The following RAPGEF6 variants were observed in gnomAD, a reference collection of about 807,000 sequenced individuals.
The protein encoded by RAPGEF6 is Rap guanine nucleotide exchange factor 6.
A neutral mutation model predicts 171.4 loss-of-function variants in RAPGEF6; 56 were observed. The ratio of observed to expected loss-of-function variants is 0.33; its 90% CI spans 0.26 to 0.41. The LOEUF is 0.41. RAPGEF6 is among the 10% of genes least tolerant of loss of function. The pLI, the probability that RAPGEF6 is intolerant of heterozygous loss-of-function variation, is 1.00. For synonymous variants in RAPGEF6, 692 were observed against 650.1 expected (o/e 1.06, Z -0.98); for missense variants, 1,674 against 1,921.4 (o/e 0.87, Z 2.41).
At chr5:131,529,901 C>CTTTT (rs1162181624) in intron 6 of RAPGEF6, among the ~76,000 whole-genome samples, 12 of 119,804 alleles carry the variant, frequency 1.0e-4, no homozygotes, top group East Asian at 2.4e-4. Context: ...TTGTCTCCCT[C>CTTTT]TTTTTTTTTT....
intron 15 of RAPGEF6, among the ~76,000 whole-genome samples, chr5:131,486,946 C>T (rs990418951): frequency 8.5e-5 from 13 of 152,110 alleles, no homozygotes; most frequent in African/African-American, 2.4e-4. Flanking sequence ...TCTCAATGAT[C>T]CTGATTCTCC....
At chr5:131,589,032 T>C (rs1473365259) in intron 4 of RAPGEF6, among the ~76,000 whole-genome samples, 4 of 151,760 alleles carry the variant, frequency 2.6e-5, no homozygotes, top group Admixed American at 6.6e-5. Flanking sequence ...ATCACATCAC[T>C]GCATTCCAAC....
At chr5:131,628,543 G>C (rs1176323728) in intron 1 of RAPGEF6, among the ~76,000 whole-genome samples, 1 of 152,162 alleles carries the variant, frequency 6.6e-6, no homozygotes, top group African/African-American at 2.4e-5. Context: ...TGAAGATCTA[G>C]CTAAGATAAT....
intron 2 of RAPGEF6, 53 bp downstream of exon 2, chr5:131,604,566 GAATA>G: frequency 6.4e-7 from 1 of 1,569,560 alleles, no homozygotes; most frequent in Middle Eastern, 1.7e-4. Flanking sequence ...AATATTTGGT[GAATA>G]AATGAATGAA....
In RAPGEF6 at chr5:131,430,911, G is replaced by A. The variant is rs141298711; in HGVS notation, c.4413C>T (p.Ala1471=). 8.7e-6 allele frequency: 14 copies of A among 1,612,704 alleles called. No individual in the cohort carries two copies. The highest frequency in any genetic ancestry group is 9.3e-6 in the Non-Finnish European group (11 of 1,179,552). Residue 1471 remains alanine (A), a synonymous_variant, in exon 26 of 28, where the codon GCC becomes GCT. Coordinates refer to ENST00000509018, the MANE Select transcript of RAPGEF6 (RefSeq NM_016340.6). ...ESSEGLDPKD[A]TDPVYKTVTS... ...TGACAGTTTTATAAACTGGGTCAGT[G>A]GCATCCTTGGGGTCCAAGCCTTCAG...
At chr5:131,591,041 T>C (rs568277258) in intron 4 of RAPGEF6, among the ~76,000 whole-genome samples, 3 of 152,236 alleles carry the variant, frequency 2.0e-5, no homozygotes, top group Non-Finnish European at 4.4e-5. Flanking sequence ...CTATATGTGT[T>C]ATTCAACTGG....
Position 131,430,049 on chromosome 5 carries a change from CA to C in RAPGEF6, c.4465+809del, listed in dbSNP as rs200813208. ...TGGGCAATACAGCAAGAGTCCATCT[CA>C]AAAAAAAAAAAAAAAGTTGGAAAAA... On this transcript the variant is annotated intron_variant, in intron 26 of 27. Transcript: ENST00000509018. Among the ~76,000 whole-genome samples, 731 of 86,292 alleles carry C rather than the reference CA, an allele frequency of 8.5e-3. 2 individuals are homozygous for C. Among genetic ancestry groups the C allele is most frequent in the African/African-American group, 0.017 (473 of 27,888 alleles). 56.6% of individuals were successfully genotyped at this position (86,292 alleles called of 152,430 possible).
At chr5:131,442,249 C>T in intron 23 of RAPGEF6, 100 bp downstream of exon 23, 1 of 1,198,740 alleles carries the variant, frequency 8.3e-7, no homozygotes, top group South Asian at 1.7e-5. Flanking sequence ...TATTACACAA[C>T]CTACAACAGC....
chr5:131,552,565 A>G lies in RAPGEF6; in HGVS notation c.352-4375T>C, dbSNP rs112908323. ...AACCTTCACCTCCCAGGTTCAAGTGATTCTCCTGCCTCAGCCTCCCAAGTA... is the reference window on the plus strand; with the variant it reads ...AACCTTCACCTCCCAGGTTCAAGTGGTTCTCCTGCCTCAGCCTCCCAAGTA... On this transcript the variant is annotated intron_variant, in intron 5 of 27. Coordinates refer to ENST00000509018, the MANE Select transcript of RAPGEF6 (RefSeq NM_016340.6). Among the ~76,000 whole-genome samples the G allele has an allele frequency of 1.8e-3, 268 of 151,382 alleles. 1 individual carries two copies. Among genetic ancestry groups the G allele is most frequent in the African/African-American group, 5.8e-3 (240 of 41,186 alleles).
chr5:131,548,286 T>C lies in RAPGEF6; in HGVS notation c.352-96A>G, dbSNP rs1760683474. The C allele has an allele frequency of 4.7e-6, 6 of 1,263,518 alleles. No individual in the cohort carries two copies. In the East Asian group the frequency reaches 1.4e-4, roughly 30 times the overall value. The allele number at this position is 1,263,518 out of a possible 1,614,324, so 78.3% of individuals were successfully genotyped here. ...AACAGACTCATAAGGAAGCTTCATTTACTTCTTACAAGAAACTGCCTCAAG... is the reference window on the plus strand; with the variant it reads ...AACAGACTCATAAGGAAGCTTCATTCACTTCTTACAAGAAACTGCCTCAAG... On this transcript the variant is annotated intron_variant, in intron 5 of 27. Coordinates refer to ENST00000509018, the MANE Select transcript of RAPGEF6 (RefSeq NM_016340.6).
chr5:131,513,886 G>A (rs1277173430), intron 7 of RAPGEF6, among the ~76,000 whole-genome samples: 1 of 152,062 alleles, frequency 6.6e-6, no homozygotes, highest in African/African-American at 2.4e-5. Flanking sequence ...GCATTAGCCG[G>A]GTGTGGTGGC....
Position 131,427,174 on chromosome 5 carries a change from G to C in RAPGEF6, c.*92C>G. On this transcript the variant is annotated 3_prime_UTR_variant, in exon 28 of 28. Coordinates refer to ENST00000509018, the MANE Select transcript of RAPGEF6 (RefSeq NM_016340.6). ...ACCTCTGGACTGGTTGTAGCAATGAGCTGTTCGTTAGCAATGGCCTGCAGA... is the reference window on the plus strand; with the variant it reads ...ACCTCTGGACTGGTTGTAGCAATGACCTGTTCGTTAGCAATGGCCTGCAGA... 1.7e-6 allele frequency: 2 copies of C among 1,178,926 alleles called. No homozygotes were observed. The highest frequency in any genetic ancestry group is 2.5e-6 in the Non-Finnish European group (2 of 784,404). The allele number at this position is 1,178,926 out of a possible 1,614,324, so 73.0% of individuals were successfully genotyped here.
chr5:131,540,121 T>G (rs1760037312), intron 6 of RAPGEF6, among the ~76,000 whole-genome samples: 1 of 152,212 alleles, frequency 6.6e-6, no homozygotes, highest in Non-Finnish European at 1.5e-5. Flanking sequence ...ACTAGCACCT[T>G]ATTTTGTCCC....
rs1382875075 is a variant in RAPGEF6, at chr5:131,603,271, C to T, written c.197G>A (p.Cys66Tyr). ...TTATGTGAATTATGGAAATACTTAC[C>T]AAAAGAGAACCTGATTGCCACTGTA... ...ERYSGNQVLF[C>Y]SETIARCWYI... Residue 66 changes from cysteine (C) to tyrosine (Y), a missense_variant and splice_region_variant, in exon 3 of 28, where the codon TGT becomes TAT. This residue lies in a region of RAPGEF6 where 1,116 missense variants were observed against 1,321.5 expected (regional missense o/e 0.84). Transcript: ENST00000509018. The T allele has an allele frequency of 3.8e-6, 6 of 1,580,090 alleles. No individual in the cohort carries two copies. The highest frequency in any genetic ancestry group is 1.8e-5 in the Admixed American group (1 of 55,566).
At chr5:131,435,952 CAG>C (rs759058102) in intron 24 of RAPGEF6, 7 of 1,524,018 alleles carry the variant, frequency 4.6e-6, no homozygotes, top group Non-Finnish European at 6.2e-6. Context: ...GGAACTTCAT[CAG>C]AGTGTCTTCC....
intron 3 of RAPGEF6, 141 bp from the exon 4 acceptor site, chr5:131,592,607 C>A: frequency 7.1e-7 from 1 of 1,410,312 alleles, no homozygotes; most frequent in Non-Finnish European, 9.4e-7. Flanking sequence ...GAATATTTTG[C>A]CTGTTGCCTA....
chr5:131,605,457 C>T (rs1016956811), intron 1 of RAPGEF6, among the ~76,000 whole-genome samples: 5 of 152,046 alleles, frequency 3.3e-5, no homozygotes, highest in African/African-American at 9.7e-5. Context: ...CTAACCTGCA[C>T]GTTGTGCATA....
chr5:131,551,336 A>AC (rs762159623), intron 5 of RAPGEF6, among the ~76,000 whole-genome samples: 4 of 151,860 alleles, frequency 2.6e-5, no homozygotes, highest in Non-Finnish European at 5.9e-5. Context: ...AGATGGCGAA[A>AC]CCCCATCTCT....
At chr5:131,501,493 TG>T (rs906731090) in intron 11 of RAPGEF6, among the ~76,000 whole-genome samples, 9 of 152,074 alleles carry the variant, frequency 5.9e-5, no homozygotes, top group Admixed American at 1.3e-4. Flanking sequence ...AATCAGAATC[TG>T]GAAACATTTT....
Sources: allele counts gnomAD v4.1 joint callset (sites outside exome capture counted in the v4.1 genomes callset), GRCh38; gene constraint gnomAD v4.1.1; regional missense constraint gnomAD v4.1.1; transcripts MANE v1.5; gene names NCBI Gene and HGNC (gene_info 2026-07-23, HGNC 2026-07-21).